GALNT13: variants seen among roughly 807,000 people sequenced by gnomAD.
The protein encoded by GALNT13 is UDP-GalNAc:polypeptide N-acetylgalactosaminyltransferase 13.
GALNT13 carries 28 observed loss-of-function variants against 64.2 expected under a neutral mutation model. That is an observed-to-expected ratio of 0.44 (90% CI 0.32 to 0.60). GALNT13 has a LOEUF of 0.60. Among genes scored for constraint, GALNT13 ranks in the 20% least tolerant of loss-of-function variants. The pLI, the probability that GALNT13 is intolerant of heterozygous loss-of-function variation, is 0.05. For missense variants in GALNT13, 577 were observed against 669.8 expected, an observed-to-expected ratio of 0.86 and a Z score of 1.53; for synonymous variants, 214 against 224.6, an observed-to-expected ratio of 0.95 and a Z score of 0.42.
At chr2:153,547,723 A>G in the GALNT13 span, among the ~76,000 whole-genome samples, 1,653 of 152,240 alleles carry the variant, frequency 0.011, 17 homozygotes, top group Non-Finnish European at 0.019. Context: ...TTTCTTTTTC[A>G]TGAATTAGAT....
intron 4 of GALNT13, among the ~76,000 whole-genome samples, chr2:154,216,851 C>A (rs1253343123): frequency 5.7e-5 from 8 of 139,550 alleles, no homozygotes; most frequent in Admixed American, 1.5e-4. Flanking sequence ...TCTCTGTTAC[C>A]CAGGCACAAG....
At chr2:153,616,991 G>A in the GALNT13 span, among the ~76,000 whole-genome samples, 16 of 152,028 alleles carry the variant, frequency 1.1e-4, no homozygotes, top group African/African-American at 3.9e-4. Context: ...GTCTCAAAAC[G>A]ATAATGGCCA....
At chr2:154,216,215 T>C (rs1286986091) in intron 4 of GALNT13, among the ~76,000 whole-genome samples, 2 of 152,052 alleles carry the variant, frequency 1.3e-5, no homozygotes, top group Non-Finnish European at 2.9e-5. Context: ...CCCAGGAAGA[T>C]TTGACATTTA....
At chr2:153,956,993 T>C (rs561978519) in intron 3 of GALNT13, among the ~76,000 whole-genome samples, 33 of 152,286 alleles carry the variant, frequency 2.2e-4, no homozygotes, top group Non-Finnish European at 4.1e-4. Flanking sequence ...ATATCAGTGA[T>C]TTACCAAAGT....
At chr2:153,972,409 C>T (rs1230353645) in intron 3 of GALNT13, among the ~76,000 whole-genome samples, 1 of 152,054 alleles carries the variant, frequency 6.6e-6, no homozygotes, top group African/African-American at 2.4e-5. Context: ...TATCCTTCTC[C>T]ATCTTTTTAA....
At chr2:153,835,862 C>CTGAG in the GALNT13 span, among the ~76,000 whole-genome samples, 1 of 151,992 alleles carries the variant, frequency 6.6e-6, no homozygotes, top group African/African-American at 2.4e-5. Context: ...TATGACTTGA[C>CTGAG]TGATCTGGCC....
chr2:153,549,405 T>G, the GALNT13 span, among the ~76,000 whole-genome samples: 2 of 152,148 alleles, frequency 1.3e-5, no homozygotes, highest in Non-Finnish European at 2.9e-5. Context: ...TAGAAATAAA[T>G]TATTTGTGAT....
At chr2:154,205,439 GAAA>G (rs904407200) in intron 4 of GALNT13, among the ~76,000 whole-genome samples, 1 of 151,984 alleles carries the variant, frequency 6.6e-6, no homozygotes, top group Non-Finnish European at 1.5e-5. Flanking sequence ...ACATTTAGTA[GAAA>G]AAAAGATTGT....
At chr2:153,674,928 A>C in the GALNT13 span, among the ~76,000 whole-genome samples, 1 of 152,238 alleles carries the variant, frequency 6.6e-6, no homozygotes, top group Non-Finnish European at 1.5e-5. Flanking sequence ...TTATGCATCC[A>C]ACAGACATAT....
chr2:154,450,372 A>AT (rs201440806), intron 12 of GALNT13, 39 bp from the exon 13 acceptor site: 98,939 of 1,559,820 alleles, frequency 0.063, 3,620 homozygotes, highest in Middle Eastern at 0.091. Context: ...AAAGCTAAAG[A>AT]CGAAATAAGC....
At chr2:153,336,393 G>A in the GALNT13 span, among the ~76,000 whole-genome samples, 3 of 152,102 alleles carry the variant, frequency 2.0e-5, no homozygotes, top group African/African-American at 7.2e-5. Flanking sequence ...GGACGTAGCT[G>A]CCCAAGACCA....
In GALNT13 at chr2:154,451,044, A is replaced by G. The variant is rs1390785531; in HGVS notation, c.*493A>G. On this transcript the variant is annotated 3_prime_UTR_variant, in exon 13 of 13. Transcript: ENST00000392825. ...TAAATTACTTCTGAATGGTGAATTCATCTTACAAAATGTTCCAAGTTTTGG... is the reference window on the plus strand; with the variant it reads ...TAAATTACTTCTGAATGGTGAATTCGTCTTACAAAATGTTCCAAGTTTTGG... 1 of 152,432 alleles carries G rather than the reference A, an allele frequency of 6.6e-6. No individual in the cohort carries two copies. Among genetic ancestry groups the G allele is most frequent in the Admixed American group, 6.5e-5 (1 of 15,272 alleles). 9.4% of individuals were successfully genotyped at this position (152,432 alleles called of 1,614,324 possible).
At chr2:154,085,368 G>T (rs1701472283) in intron 3 of GALNT13, among the ~76,000 whole-genome samples, 1 of 151,910 alleles carries the variant, frequency 6.6e-6, no homozygotes. Flanking sequence ...TTTGTTCATG[G>T]AAACCATTGT....
chr2:153,416,422 G>A, the GALNT13 span, among the ~76,000 whole-genome samples: 4 of 152,120 alleles, frequency 2.6e-5, no homozygotes, highest in Non-Finnish European at 4.4e-5. Flanking sequence ...TGACACAAAG[G>A]CATCATTTCA....
the GALNT13 span, among the ~76,000 whole-genome samples, chr2:153,835,479 G>T: frequency 1.3e-5 from 2 of 151,948 alleles, no homozygotes; most frequent in African/African-American, 4.8e-5. Context: ...AATAAAGAAT[G>T]CAGTCATTTA....
At chr2:153,553,568 T>C in the GALNT13 span, among the ~76,000 whole-genome samples, 5 of 152,222 alleles carry the variant, frequency 3.3e-5, no homozygotes, top group Admixed American at 3.3e-4. Flanking sequence ...ATTGGATCCA[T>C]GTTAAAATCA....
At chr2:153,758,299 G>A in the GALNT13 span, among the ~76,000 whole-genome samples, 2 of 129,982 alleles carry the variant, frequency 1.5e-5, no homozygotes, top group African/African-American at 3.0e-5. Flanking sequence ...GTGAATAAAT[G>A]GGGTTTTTTT....
rs139145494 is a variant in GALNT13 at position 154,184,103 on chromosome 2, A to C, written c.311+43598A>C. Among the ~76,000 whole-genome samples the C allele has an allele frequency of 4.8e-3, 735 of 151,952 alleles. 9 individuals carry two copies. The highest frequency in any genetic ancestry group is 0.017 in the African/African-American group (699 of 41,538). ...AAATTTATAATATATTTGAACTTATAAATTTATAATAATACATGGGTAAAA... is the reference window on the plus strand; with the variant it reads ...AAATTTATAATATATTTGAACTTATCAATTTATAATAATACATGGGTAAAA... On this transcript the variant is annotated intron_variant, in intron 4 of 12. Coordinates refer to ENST00000392825, the MANE Select transcript of GALNT13 (RefSeq NM_052917.4).
At chr2:153,842,180 A>T in the GALNT13 span, among the ~76,000 whole-genome samples, 1 of 152,134 alleles carries the variant, frequency 6.6e-6, no homozygotes, top group African/African-American at 2.4e-5. Context: ...TCAGAGAACT[A>T]GCAAGAGGGC....
Sources: gnomAD v4.1 joint callset for allele counts (sites outside exome capture counted in the v4.1 genomes callset) on GRCh38, gnomAD v4.1.1 for gene constraint, MANE v1.5 for transcripts, NCBI Gene and HGNC (gene_info 2026-07-23, HGNC 2026-07-21) for gene names.